Variants in PRIM1 observed in about 807,000 individuals in gnomAD.
PRIM1 encodes the protein DNA primase small subunit.
In PRIM1, 38 loss-of-function variants were observed where a neutral mutation model predicts 60.2. The observed-to-expected ratio is 0.63, with a 90% CI of 0.49 to 0.83. The LOEUF (loss-of-function observed/expected upper bound fraction) is 0.83. PRIM1 is among the 40% of genes least tolerant of loss of function. The probability of loss-of-function intolerance (pLI) is 0.00; values close to 1 mark genes in which losing one functional copy is unlikely to be tolerated. For synonymous variants in PRIM1, 158 were observed against 160.2 expected (o/e 0.99, Z 0.10); for missense variants, 388 against 506.2 (o/e 0.77, Z 2.24).
At chr12:56,733,396 C>T (rs1051924720) in intron 12 of PRIM1, among the ~76,000 whole-genome samples, 10 of 150,216 alleles carry the variant, frequency 6.7e-5, no homozygotes, top group Non-Finnish European at 1.2e-4. Flanking sequence ...TGACCTCAGG[C>T]GATCCACCTG....
intron 9 of PRIM1, among the ~76,000 whole-genome samples, chr12:56,739,821 A>G (rs1408073831): frequency 6.6e-6 from 1 of 152,104 alleles, no homozygotes; most frequent in East Asian, 1.9e-4. Context: ...GTGAATGACC[A>G]TGTCCAGCAT....
intron 9 of PRIM1, among the ~76,000 whole-genome samples, chr12:56,740,491 G>A (rs1364668328): frequency 2.6e-5 from 4 of 151,984 alleles, no homozygotes; most frequent in Admixed American, 6.6e-5. Context: ...CAAAAGTGAC[G>A]TAATGAGGCT....
intron 2 of PRIM1, among the ~76,000 whole-genome samples, chr12:56,750,740 C>T (rs1421581771): frequency 1.3e-5 from 2 of 152,062 alleles, no homozygotes; most frequent in African/African-American, 2.4e-5. Context: ...CAGGCGCGTA[C>T]CACCACGCCC....
chr12:56,742,637 T>A (rs985434919), intron 7 of PRIM1, among the ~76,000 whole-genome samples: 3 of 152,062 alleles, frequency 2.0e-5, no homozygotes, highest in Non-Finnish European at 4.4e-5. Context: ...ATTGAAATCT[T>A]CCCCTGTAAA....
At chr12:56,736,359 T>C (rs923693211) in intron 11 of PRIM1, among the ~76,000 whole-genome samples, 3 of 141,608 alleles carry the variant, frequency 2.1e-5, no homozygotes, top group African/African-American at 8.1e-5. Flanking sequence ...CATTTAATTA[T>C]ATAACCTATA....
intron 9 of PRIM1, among the ~76,000 whole-genome samples, chr12:56,740,746 G>A (rs1427498305): frequency 6.6e-6 from 1 of 152,154 alleles, no homozygotes; most frequent in African/African-American, 2.4e-5. Context: ...GACAGAGTGA[G>A]ACTCTTTCTC....
At position 56,733,563 on chromosome 12, in the gene PRIM1, T is replaced by G. The variant is rs149058422; in HGVS notation, c.1243+584A>C. 1.1e-3 allele frequency among the ~76,000 whole-genome samples: 174 copies of G among 151,706 alleles called. 1 individual carries two copies. The East Asian group carries it at 0.031, about 27-fold the overall frequency. ...AGATAAAATCTCTTTCTTAGCATTT[T>G]GTACTTTTTTTTTTGTATTAAGTTA... On this transcript the variant is annotated intron_variant, in intron 12 of 12. Transcript: ENST00000338193.
At chr12:56,740,834 G>C (rs1953867582) in intron 9 of PRIM1, among the ~76,000 whole-genome samples, 3 of 151,368 alleles carry the variant, frequency 2.0e-5, no homozygotes, top group African/African-American at 7.3e-5. Context: ...TTTTTTTTGA[G>C]ACAGGGTCTC....
chr12:56,734,846 C>T (rs1230007146), intron 11 of PRIM1, among the ~76,000 whole-genome samples: 1 of 140,438 alleles, frequency 7.1e-6, no homozygotes, highest in African/African-American at 2.7e-5. Context: ...GAGTGTCACT[C>T]TGTTGCCCAG....
At chr12:56,738,582 T>C (rs1025015348) in intron 10 of PRIM1, 57 bp from the exon 11 acceptor site, 2 of 1,519,520 alleles carry the variant, frequency 1.3e-6, no homozygotes, top group African/African-American at 2.8e-5. Flanking sequence ...AGACGGAGTC[T>C]TGCTCTGTTG....
chr12:56,738,207 G>A (rs539645390), intron 11 of PRIM1, among the ~76,000 whole-genome samples: 1 of 152,342 alleles, frequency 6.6e-6, no homozygotes. Flanking sequence ...TAATCTTACA[G>A]TATAGATCCT....
At chr12:56,737,207 C>T (rs1467927344) in intron 11 of PRIM1, among the ~76,000 whole-genome samples, 14 of 152,142 alleles carry the variant, frequency 9.2e-5, no homozygotes, top group Admixed American at 9.2e-4. Context: ...AATCTAATGC[C>T]TGATGATCTG....
chr12:56,752,082 G>A lies in PRIM1; in HGVS notation c.103+114C>T, dbSNP rs115093131. 4.3e-3 allele frequency: 2,839 copies of A among 653,914 alleles called. 60 individuals carry two copies. In the African/African-American group the frequency reaches 0.044, roughly 10 times the overall value. The allele number at this position is 653,914 out of a possible 1,614,324, so 40.5% of individuals were successfully genotyped here. On this transcript the variant is annotated intron_variant, in intron 1 of 12. Transcript: ENST00000338193. ...GGGCGGGCTCGAGAGAGCAAATGAA[G>A]GCGCGCGGCACAAAGCCTGGTGCAC...
chr12:56,735,223 T>C (rs1332053045), intron 11 of PRIM1, among the ~76,000 whole-genome samples: 4 of 151,504 alleles, frequency 2.6e-5, no homozygotes, highest in African/African-American at 4.9e-5. Flanking sequence ...CTCAGCCTCC[T>C]GAGTAGCTGG....
chr12:56,748,620 C>T (rs540688271), intron 2 of PRIM1, among the ~76,000 whole-genome samples: 3 of 141,922 alleles, frequency 2.1e-5, no homozygotes, highest in Non-Finnish European at 3.0e-5. Context: ...GAGCGAGACT[C>T]TGTCTCAAAA....
chr12:56,738,408 A>T (rs1382925421), intron 11 of PRIM1, 26 bp downstream of exon 11: 1 of 1,556,176 alleles, frequency 6.4e-7, no homozygotes, highest in Admixed American at 2.0e-5. Flanking sequence ...CTGTATTTAA[A>T]GTGAAGCTTC....
chr12:56,739,195 C>T, intron 10 of PRIM1, 99 bp downstream of exon 10: 1 of 887,648 alleles, frequency 1.1e-6, no homozygotes. Context: ...CCAAATATAC[C>T]ATTCCCATGC....
intron 5 of PRIM1, among the ~76,000 whole-genome samples, chr12:56,745,536 A>T (rs1953900134): frequency 6.6e-6 from 1 of 152,204 alleles, no homozygotes; most frequent in South Asian, 2.1e-4. Context: ...TATGCCACAA[A>T]GCAAGATATT....
chr12:56,746,826 T>A lies in PRIM1; in HGVS notation c.397A>T (p.Thr133Ser). The A allele has an allele frequency of 6.2e-7, 1 of 1,613,956 alleles. No homozygotes were observed. The highest frequency in any genetic ancestry group is 8.5e-7 in the Non-Finnish European group (1 of 1,179,866). Reference protein sequence around the residue: ...SSADICPKCWTLMTMAIRIID... With the variant: ...SSADICPKCWSLMTMAIRIID... ...ATGCGTATGGCCATTGTCATGAGGG[T>A]CCAGCACTTAGGACATATGTCTGCA... The change falls in exon 4 of 13, where the codon ACC becomes TCC. Residue 133 changes from threonine to serine, a missense_variant. Thr to Ser is a moderately conservative substitution (Grantham distance 58). Coordinates refer to ENST00000338193, the MANE Select transcript of PRIM1 (RefSeq NM_000946.3).
Sources: allele counts gnomAD v4.1 joint callset (sites outside exome capture counted in the v4.1 genomes callset), GRCh38; gene constraint gnomAD v4.1.1; transcripts MANE v1.5; gene names NCBI Gene and HGNC (gene_info 2026-07-23, HGNC 2026-07-21).